STK39: variants seen among roughly 807,000 people sequenced by gnomAD.
STK39 encodes STE20/SPS1-related proline-alanine-rich protein kinase.
STK39 carries 20 observed loss-of-function variants against 77.8 expected under a neutral mutation model. That is an observed-to-expected ratio of 0.26 (90% confidence interval 0.18 to 0.37). The LOEUF (loss-of-function observed/expected upper bound fraction) is 0.37, where lower values mean the gene tolerates loss of function less well. Ranked by LOEUF, STK39 falls within the 10% of genes least tolerant of loss-of-function variation. The probability of loss-of-function intolerance (pLI) is 1.00; values close to 1 mark genes in which losing one functional copy is unlikely to be tolerated. For synonymous variants in STK39, 246 were observed against 234.1 expected (o/e 1.05, Z -0.47); for missense variants, 479 against 656.5 (o/e 0.73, Z 2.95).
intron 5 of STK39, among the ~76,000 whole-genome samples, chr2:168,147,244 T>C (rs1574502608): frequency 6.6e-6 from 1 of 152,196 alleles, no homozygotes; most frequent in African/African-American, 2.4e-5. Context: ...TTCCCAGTTG[T>C]TGTTTTTTTC....
intron 16 of STK39, among the ~76,000 whole-genome samples, chr2:167,992,301 G>C (rs1683720988): frequency 6.6e-6 from 1 of 152,018 alleles, no homozygotes; most frequent in Non-Finnish European, 1.5e-5. Context: ...AATTTTGTTT[G>C]TTCAGCAGCT....
intron 14 of STK39, among the ~76,000 whole-genome samples, chr2:168,049,226 T>A (rs563071082): frequency 2.0e-5 from 3 of 152,246 alleles, no homozygotes; most frequent in South Asian, 2.1e-4. Flanking sequence ...CCACCTAACA[T>A]CCAGAACACA....
Position 168,061,971 on chromosome 2 carries a change from T to C in STK39, c.1376+1529A>G, listed in dbSNP as rs1359861372. On this transcript the variant is annotated intron_variant, in intron 14 of 17. Transcript: ENST00000355999. ...TAGGAGCCCAGAACAGAAAAGTCGG[T>C]TTAATCTTCAGGAGGAAGAACCATC... Among the ~76,000 whole-genome samples the C allele has an allele frequency of 3.9e-5, 6 of 152,178 alleles. No individual in the cohort carries two copies. In the East Asian group the frequency reaches 9.6e-4, roughly 24 times the overall value.
At chr2:168,168,032 T>C (rs1397353187) in intron 2 of STK39, among the ~76,000 whole-genome samples, 2 of 152,014 alleles carry the variant, frequency 1.3e-5, no homozygotes, top group Non-Finnish European at 2.9e-5. Context: ...TCAGATAATA[T>C]ATCTCATTCT....
At chr2:168,074,414 T>C (rs1232307279) in intron 12 of STK39, among the ~76,000 whole-genome samples, 1 of 152,208 alleles carries the variant, frequency 6.6e-6, no homozygotes, top group Non-Finnish European at 1.5e-5. Flanking sequence ...ATGGAGGAAG[T>C]AAATCAAATA....
At chr2:167,990,889 T>G (rs1434793399) in intron 16 of STK39, among the ~76,000 whole-genome samples, 1 of 152,188 alleles carries the variant, frequency 6.6e-6, no homozygotes, top group Non-Finnish European at 1.5e-5. Context: ...AGTCACTGAA[T>G]GACCCACATT....
intron 10 of STK39, among the ~76,000 whole-genome samples, chr2:168,126,078 T>C (rs552891254): frequency 6.6e-6 from 1 of 152,228 alleles, no homozygotes; most frequent in Non-Finnish European, 1.5e-5. Flanking sequence ...ATGCTGTTTA[T>C]GACAGCAAAT....
chr2:168,247,361 C>T lies in STK39; in HGVS notation c.75G>A (p.Ala25=). The T allele has an allele frequency of 9.3e-7, 1 of 1,075,556 alleles. No individual in the cohort carries two copies. Among genetic ancestry groups the T allele is most frequent in the Non-Finnish European group, 1.1e-6 (1 of 887,166 alleles). 66.6% of individuals were successfully genotyped at this position (1,075,556 alleles called of 1,614,324 possible). A position where few individuals can be genotyped will look rare whatever the true frequency, so the allele number is the denominator to read the frequency against. The change falls in exon 1 of 18, where the codon GCG becomes GCA. Residue 25 remains alanine, a synonymous_variant. Coordinates refer to ENST00000355999, the MANE Select transcript of STK39 (RefSeq NM_013233.3). ...QQAAPVTAAA[A]AAPAAATAAP... ...CTGCTGTCGCGGCCGCCGGGGCCGC[C>T]GCCGCCGCCGCTGTCACCGGGGCCG...
chr2:168,171,860 C>A (rs1323524574), intron 2 of STK39, among the ~76,000 whole-genome samples: 1 of 101,620 alleles, frequency 9.8e-6, no homozygotes, highest in Non-Finnish European at 1.8e-5. Context: ...CCCACTCCCC[C>A]CTCCCCCCCA....
chr2:168,193,854 T>A (rs1311154740), intron 1 of STK39, among the ~76,000 whole-genome samples: 1 of 152,196 alleles, frequency 6.6e-6, no homozygotes, highest in Non-Finnish European at 1.5e-5. Context: ...TGGGCCACAT[T>A]TTCAGTTGCT....
rs528899615 is a variant in STK39, at chr2:168,030,153, T to C, written c.1377-13058A>G. ...TACTCGGAAGGCTGAGGCAGGAGAA[T>C]GGCATGAATCTGGGAGGCGGAGCTT... On this transcript the variant is annotated intron_variant, in intron 14 of 17. Coordinates refer to ENST00000355999, the MANE Select transcript of STK39 (RefSeq NM_013233.3). Among the ~76,000 whole-genome samples the C allele has an allele frequency of 2.8e-3, 421 of 152,232 alleles. 2 individuals are homozygous for C. The highest frequency in any genetic ancestry group is 9.5e-3 in the African/African-American group (394 of 41,532).
At chr2:168,133,453 A>T (rs564112716) in intron 8 of STK39, among the ~76,000 whole-genome samples, 1 of 152,214 alleles carries the variant, frequency 6.6e-6, no homozygotes, top group Non-Finnish European at 1.5e-5. Context: ...TAAATAGCAG[A>T]TTAGAGGTTT....
chr2:168,021,232 T>C (rs1684563243), intron 14 of STK39, among the ~76,000 whole-genome samples: 1 of 152,178 alleles, frequency 6.6e-6, no homozygotes, highest in Non-Finnish European at 1.5e-5. Context: ...ATGCTTCAAA[T>C]ATTAATAACA....
At chr2:168,141,332 T>G (rs1687974724) in intron 5 of STK39, among the ~76,000 whole-genome samples, 1 of 152,214 alleles carries the variant, frequency 6.6e-6, no homozygotes, top group Admixed American at 6.5e-5. Flanking sequence ...ACTAAACTAG[T>G]TAAGTACCCC....
intron 1 of STK39, among the ~76,000 whole-genome samples, chr2:168,211,460 ACCAACCCTGTGAAGAGACAGG>A (rs1222726579): frequency 6.6e-6 from 1 of 152,176 alleles, no homozygotes. Flanking sequence ...ACCAGAGTTC[ACCAACCCTGTGAAGAGACAGG>A]CCAGGAGTTC....
Position 167,980,753 on chromosome 2 carries a change from G to GT in STK39, c.1499-16028dup, listed in dbSNP as rs35891195. On this transcript the variant is annotated intron_variant, in intron 16 of 17. Coordinates refer to ENST00000355999, the MANE Select transcript of STK39 (RefSeq NM_013233.3). ...TACTTTACCTTCATTTCTTGTTGTT[G>GT]TTTTTTTTTTTTTTTAAATGTGTAG... Among the ~76,000 whole-genome samples the GT allele has an allele frequency of 7.0e-4, 99 of 141,924 alleles. 1 individual carries two copies. The highest frequency in any genetic ancestry group is 3.6e-3 in the South Asian group (16 of 4,452). 93.1% of individuals were successfully genotyped at this position (141,924 alleles called of 152,430 possible).
At chr2:168,042,577 C>CTTTTTT (rs540413448) in intron 14 of STK39, among the ~76,000 whole-genome samples, 7 of 133,046 alleles carry the variant, frequency 5.3e-5, no homozygotes, top group Non-Finnish European at 8.0e-5. Context: ...TTCCTTCCTT[C>CTTTTTT]TTTTTTTTTT....
In STK39 at chr2:168,247,218, CCG is replaced by C; in HGVS notation, c.208+8_208+9del. On this transcript the variant is annotated splice_region_variant and intron_variant, in intron 1 of 17. Coordinates refer to ENST00000355999, the MANE Select transcript of STK39 (RefSeq NM_013233.3). ...GCCTGTGCCGGCCCCGCCGCGCCCG[CCG>C]CACTGACCGATAACCTCCTGCAGCT... The C allele has an allele frequency of 8.3e-7, 1 of 1,204,282 alleles. No homozygotes were observed. Among genetic ancestry groups the C allele is most frequent in the Non-Finnish European group, 1.0e-6 (1 of 964,812 alleles). 74.6% of individuals were successfully genotyped at this position (1,204,282 alleles called of 1,614,324 possible). A position where few individuals can be genotyped will look rare whatever the true frequency, so the allele number is the denominator to read the frequency against.
At chr2:168,018,547 AAAGAAAGAAAGAAAGAAAG>A (rs1684483632) in intron 14 of STK39, among the ~76,000 whole-genome samples, 1 of 111,930 alleles carries the variant, frequency 8.9e-6, no homozygotes, top group Non-Finnish European at 1.9e-5. Context: ...GAAAAGAAAG[AAAGAAAGAAAGAAAGAAAG>A]AAAGAAAGAA....
Sources: gnomAD v4.1 joint callset for allele counts (sites outside exome capture counted in the v4.1 genomes callset) on GRCh38, gnomAD v4.1.1 for gene constraint, MANE v1.5 for transcripts, NCBI Gene and HGNC (gene_info 2026-07-23, HGNC 2026-07-21) for gene names.